COMMD10: variants seen among roughly 807,000 people sequenced by gnomAD.
COMMD10 encodes the protein COMM domain-containing protein 10.
A neutral mutation model predicts 28.9 loss-of-function variants in COMMD10; 33 were observed. The observed-to-expected ratio is 1.14, with a 90% CI of 0.87 to 1.53. The LOEUF is 1.53. COMMD10 is among the 40% of genes most tolerant of loss of function. The probability of loss-of-function intolerance (pLI) is 0.00; values close to 1 mark genes in which losing one functional copy is unlikely to be tolerated. For synonymous variants in COMMD10, 110 were observed against 81.7 expected (o/e 1.35, Z -1.87); for missense variants, 310 against 233.4 (o/e 1.33, Z -2.14).
At chr5:116,085,951 A>C (rs7703978) in intron 1 of COMMD10, among the ~76,000 whole-genome samples, 18,255 of 152,206 alleles carry the variant, frequency 0.12, 1,690 homozygotes, top group African/African-American at 0.25. Context: ...TGAACAAAGA[A>C]CTGGAGAAGA....
chr5:116,266,020 CAGAAAGA>C (rs1344485153), intron 5 of COMMD10, among the ~76,000 whole-genome samples: 23 of 151,640 alleles, frequency 1.5e-4, no homozygotes, highest in African/African-American at 5.4e-4. Flanking sequence ...CATTGGTGCT[CAGAAAGA>C]GATGTATTTC....
At chr5:116,105,777 T>C (rs1750815950) in intron 4 of COMMD10, among the ~76,000 whole-genome samples, 1 of 152,224 alleles carries the variant, frequency 6.6e-6, no homozygotes, top group Non-Finnish European at 1.5e-5. Context: ...TGATGGTAGT[T>C]TGTATTTCTG....
At position 116,092,804 on chromosome 5, in the gene COMMD10, C is replaced by G. The variant is rs1213715662; in HGVS notation, c.399+104C>G. The G allele has an allele frequency of 1.1e-5, 9 of 784,456 alleles. No individual in the cohort carries two copies. In the East Asian group the frequency reaches 2.4e-4, roughly 21 times the overall value. The allele number at this position is 784,456 out of a possible 1,614,324, so 48.6% of individuals were successfully genotyped here. Reference sequence around the variant, plus strand: ...ATAATATTTTGTTGAGAGGTAGAGTCAGGCAAAAGAAACACAGATGCTCCT... The same window carrying G: ...ATAATATTTTGTTGAGAGGTAGAGTGAGGCAAAAGAAACACAGATGCTCCT... On this transcript the variant is annotated intron_variant, in intron 4 of 6. Transcript: ENST00000274458.
chr5:116,286,000 C>T lies in COMMD10; in HGVS notation c.511-5517C>T, dbSNP rs560692799. On this transcript the variant is annotated intron_variant, in intron 5 of 6. Transcript: ENST00000274458. ...TGAAGCCATCTGGTCCTGGGCATTT[C>T]TTTGTTGAGGAGTTTTTAACTACTG... is the stretch of plus-strand genomic sequence containing the variant. 3.3e-4 allele frequency among the ~76,000 whole-genome samples: 50 copies of T among 151,864 alleles called. No individual in the cohort carries two copies. The Middle Eastern group carries it at 0.01, about 31-fold the overall frequency.
intron 5 of COMMD10, among the ~76,000 whole-genome samples, chr5:116,253,657 A>C (rs1249065815): frequency 1.4e-5 from 2 of 145,732 alleles, no homozygotes; most frequent in Admixed American, 1.4e-4. Flanking sequence ...CCACTTGATC[A>C]TGGTGGATAA....
intron 5 of COMMD10, among the ~76,000 whole-genome samples, chr5:116,147,735 TA>T (rs1301287390): frequency 6.6e-6 from 1 of 151,910 alleles, no homozygotes; most frequent in South Asian, 2.1e-4. Context: ...TTTTGTCTTT[TA>T]AAAAATTATT....
intron 5 of COMMD10, among the ~76,000 whole-genome samples, chr5:116,145,747 T>G (rs1178116894): frequency 1.3e-5 from 2 of 151,822 alleles, no homozygotes; most frequent in African/African-American, 4.8e-5. Flanking sequence ...CTCCTGATAG[T>G]GAGTGAGTTC....
intron 4 of COMMD10, among the ~76,000 whole-genome samples, chr5:116,093,870 C>T (rs1266237379): frequency 6.6e-6 from 1 of 152,120 alleles, no homozygotes; most frequent in Admixed American, 6.5e-5. Context: ...GAAGTAAACC[C>T]ATGTATTTAT....
intron 5 of COMMD10, among the ~76,000 whole-genome samples, chr5:116,225,235 G>A (rs1749361144): frequency 6.6e-6 from 1 of 151,520 alleles, no homozygotes; most frequent in African/African-American, 2.4e-5. Flanking sequence ...ATTTATAATA[G>A]CTTTTTTGAA....
At chr5:116,121,047 T>A (rs558415367) in intron 4 of COMMD10, among the ~76,000 whole-genome samples, 2 of 152,296 alleles carry the variant, frequency 1.3e-5, no homozygotes, top group East Asian at 3.9e-4. Context: ...GTTTGTTACA[T>A]AGATATACAT....
At chr5:116,101,751 A>G (rs1481316328) in intron 4 of COMMD10, among the ~76,000 whole-genome samples, 1 of 152,116 alleles carries the variant, frequency 6.6e-6, no homozygotes, top group African/African-American at 2.4e-5. Flanking sequence ...AGCCATTCTG[A>G]CTAGGGTAAG....
At chr5:116,202,338 A>G (rs907931074) in intron 5 of COMMD10, among the ~76,000 whole-genome samples, 30 of 151,852 alleles carry the variant, frequency 2.0e-4, no homozygotes, top group East Asian at 5.8e-4. Context: ...TAGTGCCACA[A>G]TAAACATACG....
intron 5 of COMMD10, among the ~76,000 whole-genome samples, chr5:116,174,661 T>A (rs1753442487): frequency 6.6e-6 from 1 of 152,106 alleles, no homozygotes; most frequent in Non-Finnish European, 1.5e-5. Flanking sequence ...ATACAAAGTG[T>A]GAGATAAAGT....
At chr5:116,099,450 C>G (rs1051333331) in intron 4 of COMMD10, among the ~76,000 whole-genome samples, 1 of 151,862 alleles carries the variant, frequency 6.6e-6, no homozygotes, top group African/African-American at 2.4e-5. Context: ...ATTTCCTTTG[C>G]GTATAAACCA....
At chr5:116,116,728 T>C (rs1250208545) in intron 4 of COMMD10, among the ~76,000 whole-genome samples, 2 of 102,610 alleles carry the variant, frequency 1.9e-5, no homozygotes, top group African/African-American at 5.8e-5. Context: ...TTTTTTTTTT[T>C]TGAGACGGAG....
chr5:116,279,664 T>G (rs1751014369), intron 5 of COMMD10, among the ~76,000 whole-genome samples: 1 of 151,912 alleles, frequency 6.6e-6, no homozygotes, highest in African/African-American at 2.4e-5. Flanking sequence ...ATTAGAATTT[T>G]AACCTGAATG....
At chr5:116,278,564 ACAAGT>A (rs1270611822) in intron 5 of COMMD10, among the ~76,000 whole-genome samples, 1 of 151,862 alleles carries the variant, frequency 6.6e-6, no homozygotes, top group Non-Finnish European at 1.5e-5. Flanking sequence ...CATATAGACA[ACAAGT>A]CAAGTGACCT....
At chr5:116,222,532 G>T (rs1397245744) in intron 5 of COMMD10, among the ~76,000 whole-genome samples, 1 of 152,132 alleles carries the variant, frequency 6.6e-6, no homozygotes, top group Non-Finnish European at 1.5e-5. Flanking sequence ...TATTTGTAAA[G>T]TTGACACTAT....
At position 116,184,754 on chromosome 5, in the gene COMMD10, G is replaced by A. The variant is rs113571615; in HGVS notation, c.510+50576G>A. Among the ~76,000 whole-genome samples the A allele has an allele frequency of 1.5e-3, 227 of 152,168 alleles. 3 individuals carry two copies. Among genetic ancestry groups the A allele is most frequent in the African/African-American group, 4.8e-3 (200 of 41,526 alleles). The stretch of plus-strand genomic sequence containing the variant: ...AGGGTTGAACTGTTTTTAATGGTAT[G>A]TATGAGAAAACGTTTTATGGGCTTT... On this transcript the variant is annotated intron_variant, in intron 5 of 6. Transcript: ENST00000274458.
Sources: gnomAD v4.1 joint callset for allele counts (sites outside exome capture counted in the v4.1 genomes callset) on GRCh38, gnomAD v4.1.1 for gene constraint, MANE v1.5 for transcripts, NCBI Gene and HGNC (gene_info 2026-07-23, HGNC 2026-07-21) for gene names.